The following DNAH11 variants were observed in gnomAD, a reference collection of about 807,000 sequenced individuals.
The protein encoded by DNAH11 is axonemal beta dynein heavy chain 11.
A neutral mutation model predicts 526.0 loss-of-function variants in DNAH11; 442 were observed. That is an observed-to-expected ratio of 0.84 (90% CI 0.78 to 0.91). The LOEUF is 0.91. Ranked by LOEUF, DNAH11 falls within the 40% of genes least tolerant of loss-of-function variation. The probability of loss-of-function intolerance (pLI) is 0.00; values close to 1 mark genes in which losing one functional copy is unlikely to be tolerated. For missense variants in DNAH11, 6,989 were observed against 5,448.7 expected, an observed-to-expected ratio of 1.28 and a Z score of -8.90; for synonymous variants, 2,461 against 1,935.9, an observed-to-expected ratio of 1.27 and a Z score of -7.12.
chr7:21,588,649 G>A lies in DNAH11; in HGVS notation c.1973+13G>A. The A allele has an allele frequency of 1.9e-6, 3 of 1,612,048 alleles. No individual in the cohort carries two copies. The highest frequency in any genetic ancestry group is 2.5e-6 in the Non-Finnish European group (3 of 1,178,502). ...CTCTCCGTTATCTGTAAGTAGTTAA[G>A]CTTAGGTCATGGCAAGTTATTCTAA... On this transcript the variant is annotated intron_variant, in intron 11 of 81. Transcript: ENST00000409508.
intron 42 of DNAH11, among the ~76,000 whole-genome samples, chr7:21,714,446 T>C (rs1163189527): frequency 6.6e-6 from 1 of 152,202 alleles, no homozygotes; most frequent in Non-Finnish European, 1.5e-5. Context: ...ATGGCTATTT[T>C]AGAATAAAGG....
intron 69 of DNAH11, among the ~76,000 whole-genome samples, chr7:21,864,263 G>A (rs1783186018): frequency 6.6e-6 from 1 of 152,162 alleles, no homozygotes; most frequent in African/African-American, 2.4e-5. Flanking sequence ...TAATACGAAT[G>A]CATATTTTAA....
chr7:21,891,664 C>A (rs1052020620), intron 76 of DNAH11, among the ~76,000 whole-genome samples: 2 of 152,106 alleles, frequency 1.3e-5, no homozygotes, highest in Non-Finnish European at 2.9e-5. Context: ...CTTGCCCCAG[C>A]CTTATTGAAG....
In DNAH11 at chr7:21,739,615, A is replaced by G. The variant is rs1785783219; in HGVS notation, c.7856A>G (p.Gln2619Arg). 6.2e-7 allele frequency: 1 copy of G among 1,613,080 alleles called. No individual in the cohort carries two copies. Among genetic ancestry groups the G allele is most frequent in the South Asian group, 1.1e-5 (1 of 90,710 alleles). The change falls in exon 48 of 82, where the codon CAG (glutamine) becomes CGG (arginine). Residue 2619 changes from glutamine (Q) to arginine (R), a missense_variant. Physicochemically the swap from Gln to Arg is conservative, Grantham distance 43. Coordinates refer to ENST00000409508, the MANE Select transcript of DNAH11 (RefSeq NM_001277115.2). The part of the protein sequence containing the change: ...KVMLKEIHNC[Q>R]YVACMNPMVG... ...ATGCTTAAAGAAATCCATAACTGCC[A>G]GTATGTCGCCTGCATGAATCCGATG... is the stretch of plus-strand genomic sequence containing the variant.
intron 55 of DNAH11, among the ~76,000 whole-genome samples, chr7:21,769,264 C>T (rs188996282): frequency 4.5e-4 from 69 of 152,306 alleles, no homozygotes; most frequent in African/African-American, 1.6e-3. Context: ...AAGCCTCGAC[C>T]TCATAAGTAG....
At chr7:21,632,273 G>GC (rs1252036735) in intron 25 of DNAH11, among the ~76,000 whole-genome samples, 1 of 152,172 alleles carries the variant, frequency 6.6e-6, no homozygotes, top group Non-Finnish European at 1.5e-5. Flanking sequence ...GGGAGGGCCT[G>GC]CCACAAAGGT....
chr7:21,706,885 A>G (rs1038710413), intron 39 of DNAH11, among the ~76,000 whole-genome samples: 3 of 152,218 alleles, frequency 2.0e-5, no homozygotes, highest in African/African-American at 4.8e-5. Flanking sequence ...TAGGGCAGAT[A>G]TTTGAGTTAA....
chr7:21,646,771 ACTGCT>A (rs1239771450), intron 28 of DNAH11, among the ~76,000 whole-genome samples: 1 of 152,188 alleles, frequency 6.6e-6, no homozygotes, highest in Non-Finnish European at 1.5e-5. Context: ...TAGATTAGAC[ACTGCT>A]CTAGTCCCAC....
In DNAH11 at chr7:21,629,757, TC is replaced by T. The variant is rs556278626; in HGVS notation, c.4501-6113del. ...TAGCTACTCTTACTCTTTTTTGGTT[TC>T]TAGTTGCATGGTATATCATTTTCCA... is the stretch of plus-strand genomic sequence containing the variant. On this transcript the variant is annotated intron_variant, in intron 25 of 81. Coordinates refer to ENST00000409508, the MANE Select transcript of DNAH11 (RefSeq NM_001277115.2). Among the ~76,000 whole-genome samples the T allele has an allele frequency of 4.5e-4, 68 of 152,276 alleles. No individual in the cohort carries two copies. The South Asian group carries it at 7.5e-3, about 17-fold the overall frequency.
chr7:21,619,569 A>G (rs778923575), intron 24 of DNAH11, among the ~76,000 whole-genome samples: 15 of 152,238 alleles, frequency 9.9e-5, no homozygotes, highest in Admixed American at 8.5e-4. Flanking sequence ...ACTGAGGTAT[A>G]AAGAGATAAT....
chr7:21,834,028 C>T (rs1438596432), intron 65 of DNAH11, among the ~76,000 whole-genome samples: 1 of 152,140 alleles, frequency 6.6e-6, no homozygotes, highest in Non-Finnish European at 1.5e-5. Context: ...CAGAACATTC[C>T]ACCCAATAGC....
Position 21,899,992 on chromosome 7 carries a change from C to G in DNAH11, c.13175C>G (p.Thr4392Arg), listed in dbSNP as rs181603431. 6.2e-7 allele frequency: 1 copy of G among 1,613,880 alleles called. No individual in the cohort carries two copies. The highest frequency in any genetic ancestry group is 8.5e-7 in the Non-Finnish European group (1 of 1,179,832). The change falls in exon 81 of 82, where the codon ACG becomes AGG. Residue 4392 changes from threonine to arginine, a missense_variant. Physicochemically the swap from Thr to Arg is moderately conservative, Grantham distance 71 (BLOSUM62 -1). Transcript: ENST00000409508. ...TATATTTCCAAAGCAATCATGCAGACGATGGCTCGAAAAAATGAGTGGCCC... is the reference window on the plus strand; with the variant it reads ...TATATTTCCAAAGCAATCATGCAGAGGATGGCTCGAAAAAATGAGTGGCCC... The part of the protein sequence containing the change: ...PQSFLTAIMQ[T>R]MARKNEWPLD...
At chr7:21,678,283 C>T (rs934440708) in intron 30 of DNAH11, among the ~76,000 whole-genome samples, 2 of 151,120 alleles carry the variant, frequency 1.3e-5, no homozygotes, top group Non-Finnish European at 1.5e-5. Context: ...CGTTCTTTTG[C>T]ATGTGATGTC....
At chr7:21,787,354 T>A in intron 59 of DNAH11, 47 bp from the exon 60 acceptor site, 1 of 1,542,830 alleles carries the variant, frequency 6.5e-7, no homozygotes, top group Non-Finnish European at 8.8e-7. Context: ...TGGAATTTTC[T>A]CTGCAGCCAA....
intron 65 of DNAH11, among the ~76,000 whole-genome samples, chr7:21,827,015 A>G (rs1188701829): frequency 6.6e-6 from 1 of 152,234 alleles, no homozygotes; most frequent in Non-Finnish European, 1.5e-5. Flanking sequence ...AGTAATGAAT[A>G]CTAATTACTC....
At chr7:21,619,040 G>T in intron 23 of DNAH11, 60 bp from the exon 24 acceptor site, 1 of 1,605,346 alleles carries the variant, frequency 6.2e-7, no homozygotes, top group Non-Finnish European at 8.5e-7. Flanking sequence ...CCAGCCTTTA[G>T]GCAAAAGGAA....
intron 30 of DNAH11, among the ~76,000 whole-genome samples, chr7:21,677,199 CTGCCTTT>C (rs1782929433): frequency 1.4e-5 from 2 of 143,750 alleles, no homozygotes; most frequent in South Asian, 4.3e-4. Context: ...TTTGCAGATA[CTGCCTTT>C]TTTTTTTTTT....
chr7:21,900,194 T>TGTTTCTCAGCA (rs1249862170), intron 81 of DNAH11, 74 bp downstream of exon 81: 23 of 1,456,350 alleles, frequency 1.6e-5, no homozygotes, highest in Non-Finnish European at 2.1e-5. Flanking sequence ...CTCTGCTTAC[T>TGTTTCTCAGCA]GTTTCTCAGC....
At chr7:21,878,571 T>A (rs894812162) in intron 74 of DNAH11, among the ~76,000 whole-genome samples, 2 of 152,222 alleles carry the variant, frequency 1.3e-5, no homozygotes, top group Non-Finnish European at 2.9e-5. Flanking sequence ...AAAAGTTATT[T>A]TTTAATGATT....
Sources: gnomAD v4.1 joint callset for allele counts (sites outside exome capture counted in the v4.1 genomes callset) on GRCh38, gnomAD v4.1.1 for gene constraint, MANE v1.5 for transcripts, NCBI Gene and HGNC (gene_info 2026-07-23, HGNC 2026-07-21) for gene names.